DNAH14: variants seen among roughly 807,000 people sequenced by gnomAD.
DNAH14 encodes the protein axonemal beta dynein heavy chain 14.
In DNAH14, 478 loss-of-function variants were observed where a neutral mutation model predicts 520.9. The observed-to-expected ratio is 0.92, with a 90% CI of 0.85 to 0.99. DNAH14 has a LOEUF of 0.99. DNAH14 is among the 50% of genes least tolerant of loss of function. The pLI, the probability that DNAH14 is intolerant of heterozygous loss-of-function variation, is 0.00. For synonymous variants in DNAH14, 1,581 were observed against 1,757.2 expected (o/e 0.90, Z 2.51); for missense variants, 4,831 against 5,234.5 (o/e 0.92, Z 2.38).
chr1:225,252,438 C>A, intron 44 of DNAH14, 21 bp downstream of exon 44: 5 of 1,304,320 alleles, frequency 3.8e-6, no homozygotes, highest in Middle Eastern at 2.3e-4. Context: ...TTATAAGAAT[C>A]ATACTTGTAA....
At chr1:224,979,746 G>A (rs2062129320) in intron 8 of DNAH14, among the ~76,000 whole-genome samples, 1 of 152,206 alleles carries the variant, frequency 6.6e-6, no homozygotes, top group South Asian at 2.1e-4. Flanking sequence ...CTGTTGAGGA[G>A]AGGAGAGGTA....
chr1:225,378,490 C>A (rs1469347745), intron 79 of DNAH14, among the ~76,000 whole-genome samples: 1 of 152,206 alleles, frequency 6.6e-6, no homozygotes, highest in East Asian at 1.9e-4. Context: ...GGTTTGGAAG[C>A]AGCACTGTTG....
At chr1:225,003,083 C>T (rs1001557900) in intron 9 of DNAH14, among the ~76,000 whole-genome samples, 156 bp downstream of exon 9, 2 of 151,984 alleles carry the variant, frequency 1.3e-5, no homozygotes, top group African/African-American at 4.8e-5. Context: ...AATGTGAGTT[C>T]CTTGCAATAA....
intron 1 of DNAH14, among the ~76,000 whole-genome samples, chr1:224,947,346 A>T (rs561467898): frequency 6.6e-6 from 1 of 151,992 alleles, no homozygotes; most frequent in African/African-American, 2.4e-5. Flanking sequence ...CCTTCATGTT[A>T]TTTTTTTCTC....
chr1:225,389,664 G>A lies in DNAH14; in HGVS notation c.13191-70G>A, dbSNP rs2095880869. The A allele has an allele frequency of 5.4e-6, 8 of 1,484,134 alleles. 1 individual carries two copies. In the African/African-American group the frequency reaches 5.7e-5, roughly 10 times the overall value. 91.9% of individuals were successfully genotyped at this position (1,484,134 alleles called of 1,614,324 possible). On this transcript the variant is annotated intron_variant, in intron 82 of 85. Coordinates refer to ENST00000682510, the MANE Select transcript of DNAH14 (RefSeq NM_001367479.1). ...TAAAAGAAGGGCCCTGGGAGGAAAT[G>A]GCCCACATCACCCAAAGGTGTGCAA...
intron 21 of DNAH14, among the ~76,000 whole-genome samples, chr1:225,091,639 A>G (rs1439096519): frequency 6.6e-6 from 1 of 152,100 alleles, no homozygotes; most frequent in African/African-American, 2.4e-5. Context: ...ACTTAAATAC[A>G]TAGACCATTG....
At chr1:225,257,192 C>T (rs1188823549) in intron 44 of DNAH14, among the ~76,000 whole-genome samples, 1 of 152,118 alleles carries the variant, frequency 6.6e-6, no homozygotes, top group African/African-American at 2.4e-5. Flanking sequence ...TTGACCTCTC[C>T]GGGGTTAGGG....
intron 11 of DNAH14, among the ~76,000 whole-genome samples, chr1:225,029,595 G>A (rs1375375578): frequency 6.6e-6 from 1 of 151,870 alleles, no homozygotes; most frequent in Non-Finnish European, 1.5e-5. Context: ...TTAATCTACT[G>A]ACCACACAAA....
chr1:224,965,343 G>C (rs936365305), intron 5 of DNAH14, among the ~76,000 whole-genome samples: 3 of 152,060 alleles, frequency 2.0e-5, no homozygotes, highest in South Asian at 2.1e-4. Context: ...GAGAGGCAGA[G>C]CCTTGCAATC....
intron 1 of DNAH14, among the ~76,000 whole-genome samples, chr1:224,937,872 A>G (rs1478581693): frequency 1.3e-5 from 2 of 152,176 alleles, no homozygotes; most frequent in African/African-American, 4.8e-5. Context: ...ATGGAACAGA[A>G]GAGAGAACCC....
chr1:224,995,197 C>G (rs996256817), intron 8 of DNAH14, among the ~76,000 whole-genome samples: 1 of 152,072 alleles, frequency 6.6e-6, no homozygotes, highest in Non-Finnish European at 1.5e-5. Flanking sequence ...TTAAGTAACT[C>G]TCTTTTACAA....
chr1:225,110,508 T>C (rs1046899520), intron 23 of DNAH14, among the ~76,000 whole-genome samples: 8 of 152,032 alleles, frequency 5.3e-5, no homozygotes, highest in Non-Finnish European at 1.2e-4. Context: ...ATTTCTGTGG[T>C]ACTGGTTGTC....
intron 36 of DNAH14, among the ~76,000 whole-genome samples, chr1:225,171,675 G>A (rs12402199): frequency 0.13 from 19,471 of 152,084 alleles, 1,398 homozygotes; most frequent in East Asian, 0.31. Flanking sequence ...ATTCACAGCC[G>A]ACTTCTGTCA....
chr1:225,158,521 G>A (rs1267950568), intron 34 of DNAH14, among the ~76,000 whole-genome samples: 2 of 152,122 alleles, frequency 1.3e-5, no homozygotes, highest in African/African-American at 4.8e-5. Context: ...AACTTTACTC[G>A]AGTGGACTCG....
chr1:225,172,701 T>C (rs953288288), intron 36 of DNAH14, among the ~76,000 whole-genome samples: 2 of 152,226 alleles, frequency 1.3e-5, no homozygotes, highest in Non-Finnish European at 2.9e-5. Flanking sequence ...AGGTAATTTA[T>C]AGATTCAATG....
At position 225,381,425 on chromosome 1, in the gene DNAH14, A is replaced by G. The variant is rs1226237776; in HGVS notation, c.12923A>G (p.Lys4308Arg). The change falls in exon 81 of 86, where the codon AAG becomes AGG. Residue 4308 changes from lysine (K) to arginine (R), a missense_variant. Coordinates refer to ENST00000682510, the MANE Select transcript of DNAH14 (RefSeq NM_001367479.1). ...CATTGTGTCTTGCTAACCTTTTTGAAGCAAGAAATTAAACGATTTGATAAG... is the reference window on the plus strand; with the variant it reads ...CATTGTGTCTTGCTAACCTTTTTGAGGCAAGAAATTAAACGATTTGATAAG... ...LIHCVLLTFL[K>R]QEIKRFDKLL... 6.5e-6 allele frequency: 10 copies of G among 1,549,998 alleles called. No homozygotes were observed. Among genetic ancestry groups the G allele is most frequent in the Non-Finnish European group, 8.7e-6 (10 of 1,146,706 alleles).
At chr1:224,940,451 A>G (rs988338726) in intron 1 of DNAH14, among the ~76,000 whole-genome samples, 26 of 152,174 alleles carry the variant, frequency 1.7e-4, no homozygotes, top group Non-Finnish European at 2.6e-4. Context: ...TTTTTTGTAA[A>G]TATCTCACAG....
At chr1:224,961,842 G>A (rs990143198) in intron 4 of DNAH14, among the ~76,000 whole-genome samples, 3 of 152,066 alleles carry the variant, frequency 2.0e-5, no homozygotes, top group African/African-American at 4.8e-5. Flanking sequence ...GTCCTTCAGT[G>A]TTTTGAAATT....
chr1:225,013,001 C>T (rs2064919423), intron 10 of DNAH14, among the ~76,000 whole-genome samples: 2 of 152,138 alleles, frequency 1.3e-5, no homozygotes, highest in African/African-American at 4.8e-5. Flanking sequence ...GTTTTGTTCC[C>T]TTGCTGGTGA....
Sources: gnomAD v4.1 joint callset for allele counts (sites outside exome capture counted in the v4.1 genomes callset) on GRCh38, gnomAD v4.1.1 for gene constraint, MANE v1.5 for transcripts, NCBI Gene and HGNC (gene_info 2026-07-23, HGNC 2026-07-21) for gene names.